The following FYN variants were observed in gnomAD, a reference collection of about 807,000 sequenced individuals.
The protein encoded by FYN is tyrosine-protein kinase Fyn.
In FYN, 10 loss-of-function variants were observed where a neutral mutation model predicts 70.2. That is an observed-to-expected ratio of 0.14 (90% CI 0.09 to 0.24). FYN has a LOEUF of 0.24. Among genes scored for constraint, FYN ranks in the 10% least tolerant of loss-of-function variants. The pLI is 1.00. For missense variants in FYN, 319 were observed against 673.1 expected (o/e 0.47, Z 5.82); for synonymous variants, 236 against 248.6 (o/e 0.95, Z 0.48).
chr6:111,778,554 T>TTTTC (rs1175991404), intron 3 of FYN, among the ~76,000 whole-genome samples: 1 of 152,032 alleles, frequency 6.6e-6, no homozygotes, highest in African/African-American at 2.4e-5. Context: ...TTTTTTTCTT[T>TTTTC]TTTCTTTCTT....
At chr6:111,812,884 A>G (rs374585156) in intron 2 of FYN, among the ~76,000 whole-genome samples, 3 of 152,130 alleles carry the variant, frequency 2.0e-5, no homozygotes, top group Admixed American at 6.5e-5. Context: ...CATCATGAAC[A>G]TACTAAATAT....
chr6:111,729,181 T>C (rs560721331), intron 3 of FYN, among the ~76,000 whole-genome samples: 1 of 152,230 alleles, frequency 6.6e-6, no homozygotes, highest in Non-Finnish European at 1.5e-5. Context: ...TTCTTAAAAA[T>C]GGGCATACTC....
Position 111,661,887 on chromosome 6 carries a change from T to G in FYN, c.1466A>C (p.Gln489Pro), listed in dbSNP as rs1797747468. The change falls in exon 14 of 14, where the codon CAG becomes CCG. Residue 489 changes from glutamine (Q) to proline (P), a missense_variant. Coordinates refer to ENST00000354650, the MANE Select transcript of FYN (RefSeq NM_002037.5). The surrounding 1 kb of genome is among the most constrained non-coding windows in gnomAD (Gnocchi z 4.0). ...CTCATGCAGAGAGATGGGGCAGTCCTGCGGGCAGGGCATCCTGTAGCCTCG... is the reference window on the plus strand; with the variant it reads ...CTCATGCAGAGAGATGGGGCAGTCCGGCGGGCAGGGCATCCTGTAGCCTCG... ...VERGYRMPCPQDCPISLHELM... is the reference protein window; with the variant it reads ...VERGYRMPCPPDCPISLHELM... 1 of 1,614,022 alleles carries G rather than the reference T, an allele frequency of 6.2e-7. No individual in the cohort carries two copies. Among genetic ancestry groups the G allele is most frequent in the African/African-American group, 1.3e-5 (1 of 74,922 alleles).
At position 111,872,963 on chromosome 6, in the gene FYN, C is replaced by T. The variant is rs1156991271; in HGVS notation, c.-123+5G>A. The T allele has an allele frequency of 6.7e-6, 1 of 150,148 alleles. No homozygotes were observed. The highest frequency in any genetic ancestry group is 1.5e-5 in the Non-Finnish European group (1 of 67,322). The allele number at this position is 150,148 out of a possible 1,614,324, so 9.3% of individuals were successfully genotyped here. A position where few individuals can be genotyped will look rare whatever the true frequency, so the allele number is the denominator to read the frequency against. On this transcript the variant is annotated splice_donor_5th_base_variant and intron_variant, in intron 1 of 13. Coordinates refer to ENST00000354650, the MANE Select transcript of FYN (RefSeq NM_002037.5). ...TCCCGCGACGCATCCCCGCCGCCTG[C>T]TTACCTGCGCGGCGCTGAGGCTCCG...
chr6:111,734,694 G>A (rs974331245), intron 3 of FYN, among the ~76,000 whole-genome samples: 13 of 151,898 alleles, frequency 8.6e-5, no homozygotes, highest in African/African-American at 3.1e-4. Flanking sequence ...ATGAAGAAAC[G>A]ACCCCCCCTA....
intron 1 of FYN, among the ~76,000 whole-genome samples, chr6:111,870,355 C>A (rs1774236307): frequency 6.6e-6 from 1 of 152,266 alleles, no homozygotes; most frequent in South Asian, 2.1e-4. Context: ...AAGCCACCTA[C>A]CGACCAGAAA....
At chr6:111,769,348 G>T (rs1464835307) in intron 3 of FYN, among the ~76,000 whole-genome samples, 1 of 152,180 alleles carries the variant, frequency 6.6e-6, no homozygotes, top group Non-Finnish European at 1.5e-5. Context: ...CTAAGGGTTT[G>T]TATTTTAGTA....
intron 12 of FYN, among the ~76,000 whole-genome samples, chr6:111,680,490 A>G (rs1243419742): frequency 6.6e-6 from 1 of 152,240 alleles, no homozygotes; most frequent in Non-Finnish European, 1.5e-5. Flanking sequence ...TGTGAGCAGA[A>G]GTGCGATGAC....
chr6:111,843,244 T>C (rs181257540), intron 2 of FYN, among the ~76,000 whole-genome samples: 1 of 152,330 alleles, frequency 6.6e-6, no homozygotes, highest in East Asian at 1.9e-4. Context: ...CCTCAGCCCT[T>C]TGAGAGTAGT....
At chr6:111,805,154 C>T (rs1157567504) in intron 2 of FYN, among the ~76,000 whole-genome samples, 3 of 152,100 alleles carry the variant, frequency 2.0e-5, no homozygotes, top group Admixed American at 2.0e-4. Context: ...ACATGTATGG[C>T]CAAGGAGCAG....
At chr6:111,775,882 G>A (rs1182950503) in intron 3 of FYN, among the ~76,000 whole-genome samples, 1 of 152,138 alleles carries the variant, frequency 6.6e-6, no homozygotes, top group Non-Finnish European at 1.5e-5. Flanking sequence ...GGGATTCTCC[G>A]CCTTTAACTC....
chr6:111,808,107 C>CA (rs1231642187), intron 2 of FYN, among the ~76,000 whole-genome samples: 15 of 150,612 alleles, frequency 1.0e-4, no homozygotes, highest in East Asian at 9.7e-4. Flanking sequence ...CACTCAGCCT[C>CA]AAAAAAAACA....
intron 2 of FYN, among the ~76,000 whole-genome samples, chr6:111,785,568 A>G (rs1771335776): frequency 6.6e-6 from 1 of 152,010 alleles, no homozygotes; most frequent in Non-Finnish European, 1.5e-5. Flanking sequence ...TAGCAGCCCA[A>G]CCCTATGCTT....
At chr6:111,823,106 T>C (rs893566511) in intron 2 of FYN, among the ~76,000 whole-genome samples, 2 of 152,188 alleles carry the variant, frequency 1.3e-5, no homozygotes, top group East Asian at 1.9e-4. Flanking sequence ...ACCAGATGGG[T>C]ACAGAAAAAT....
At position 111,802,434 on chromosome 6, in the gene FYN, C is replaced by T. The variant is rs1583457329; in HGVS notation, c.-81-21799G>A. On this transcript the variant is annotated intron_variant, in intron 2 of 13. Coordinates refer to ENST00000354650, the MANE Select transcript of FYN (RefSeq NM_002037.5). ...TTTATAAATAACCCAATCAGGTAAT[C>T]CCTTTTTTTTTTCTTTGAGACAGAG... Among the ~76,000 whole-genome samples the T allele has an allele frequency of 4.9e-5, 4 of 82,186 alleles. No homozygotes were observed. In the South Asian group the frequency reaches 1.3e-3, roughly 27 times the overall value. The allele number at this position is 82,186 out of a possible 152,430, so 53.9% of individuals were successfully genotyped here. A position where few individuals can be genotyped will look rare whatever the true frequency, so the allele number is the denominator to read the frequency against.
intron 2 of FYN, among the ~76,000 whole-genome samples, chr6:111,844,244 TA>T (rs1773451461): frequency 6.6e-6 from 1 of 152,236 alleles, no homozygotes; most frequent in African/African-American, 2.4e-5. Context: ...CATGTCAAAA[TA>T]AAGCTAATTT....
intron 4 of FYN, among the ~76,000 whole-genome samples, chr6:111,717,555 G>A (rs1800714700): frequency 6.6e-6 from 1 of 151,870 alleles, no homozygotes; most frequent in Admixed American, 6.6e-5. Flanking sequence ...TCCGCCTCCC[G>A]GGTTTAAGCA....
intron 2 of FYN, among the ~76,000 whole-genome samples, chr6:111,784,862 T>C (rs1406685097): frequency 1.3e-5 from 2 of 152,246 alleles, no homozygotes; most frequent in Admixed American, 6.5e-5. Context: ...ACGTATTTTA[T>C]ACGTATCACT....
intron 2 of FYN, among the ~76,000 whole-genome samples, chr6:111,801,826 T>C (rs1376729187): frequency 6.6e-6 from 1 of 152,160 alleles, no homozygotes; most frequent in Non-Finnish European, 1.5e-5. Flanking sequence ...TTTGAGAAAA[T>C]GGCTTTGCCT....
Sources: gnomAD v4.1 joint callset for allele counts (sites outside exome capture counted in the v4.1 genomes callset) on GRCh38, gnomAD v4.1.1 for gene constraint, Gnocchi (gnomAD v3.1) non-coding constraint, MANE v1.5 for transcripts, NCBI Gene and HGNC (gene_info 2026-07-23, HGNC 2026-07-21) for gene names.